GTF2H1: variants seen among roughly 807,000 people sequenced by gnomAD.
The protein encoded by GTF2H1 is BTF2 p62.
Under a neutral mutation model 71.2 loss-of-function variants are expected in GTF2H1, and 16 were observed. The observed-to-expected ratio is 0.22, with a 90% CI of 0.15 to 0.34. The LOEUF (loss-of-function observed/expected upper bound fraction) is 0.34, where lower values mean the gene tolerates loss of function less well. Ranked by LOEUF, GTF2H1 falls within the 10% of genes least tolerant of loss-of-function variation. GTF2H1 has a pLI of 1.00. For missense variants in GTF2H1, 498 were observed against 648.2 expected (o/e 0.77, Z 2.52); for synonymous variants, 215 against 219.0 (o/e 0.98, Z 0.16).
chr11:18,332,874 T>C, intron 1 of GTF2H1, 186 bp from the exon 2 acceptor site: 1 of 455,422 alleles, frequency 2.2e-6, no homozygotes, highest in South Asian at 3.9e-5. Context: ...AAATGAAATT[T>C]AATTGTAGAG....
chr11:18,337,316 C>A (rs74708289), intron 3 of GTF2H1, among the ~76,000 whole-genome samples: 6,223 of 152,054 alleles, frequency 0.041, 298 homozygotes, highest in East Asian at 0.26. Context: ...TGTAGTGGCG[C>A]ATACCTGTAA....
rs1325141898 is a variant in GTF2H1 at position 18,365,993 on chromosome 11, G to A, written c.*124G>A. 2 of 665,768 alleles carry A rather than the reference G, an allele frequency of 3.0e-6. No individual in the cohort carries two copies. The highest frequency in any genetic ancestry group is 1.7e-5 in the South Asian group (1 of 57,810). 41.2% of individuals were successfully genotyped at this position (665,768 alleles called of 1,614,324 possible). On this transcript the variant is annotated 3_prime_UTR_variant, in exon 15 of 15. Transcript: ENST00000265963. Reference sequence around the variant, plus strand: ...GAGTGATAAGAAACATCTGCTCCACGCCAACTCCCAGAGCTGATGCTATTG... The same window carrying A: ...GAGTGATAAGAAACATCTGCTCCACACCAACTCCCAGAGCTGATGCTATTG...
At position 18,333,055 on chromosome 11, in the gene GTF2H1, CT is replaced by C; in HGVS notation, c.-15-3del. On this transcript the variant is annotated splice_region_variant and splice_polypyrimidine_tract_variant and intron_variant, in intron 1 of 14. Transcript: ENST00000265963. The stretch of plus-strand genomic sequence containing the variant: ...TTTTTTCTTCATCTTTTTTTTCTCT[CT>C]TAGCACCTTCTAGCCACCATGGCAA... The C allele has an allele frequency of 6.3e-7, 1 of 1,594,648 alleles. No homozygotes were observed. The highest frequency in any genetic ancestry group is 1.1e-5 in the South Asian group (1 of 87,992).
intron 1 of GTF2H1, among the ~76,000 whole-genome samples, chr11:18,323,804 G>A (rs1401074546): frequency 7.2e-6 from 1 of 139,400 alleles, no homozygotes; most frequent in African/African-American, 3.3e-5. Context: ...TTGGAACACA[G>A]TTTGAAAACC....
In GTF2H1 at chr11:18,338,166, A is replaced by G. The variant is rs778441129; in HGVS notation, c.405A>G (p.Gln135=). The change falls in exon 4 of 15, where the codon CAA becomes CAG. Residue 135 remains glutamine, a synonymous_variant. Transcript: ENST00000265963. The part of the protein sequence containing the change: ...FQLYKDLVVS[Q]VISAEEFWAN... Reference sequence around the variant, plus strand: ...TTTATAAAGACCTTGTTGTGAGTCAAGTGATCAGTGCTGAGGAATTCTGGG... The same window carrying G: ...TTTATAAAGACCTTGTTGTGAGTCAGGTGATCAGTGCTGAGGAATTCTGGG... 9.3e-6 allele frequency: 15 copies of G among 1,609,380 alleles called. No homozygotes were observed. Among genetic ancestry groups the G allele is most frequent in the African/African-American group, 1.3e-5 (1 of 74,820 alleles).
At chr11:18,330,109 C>T (rs989237569) in intron 1 of GTF2H1, among the ~76,000 whole-genome samples, 4 of 152,160 alleles carry the variant, frequency 2.6e-5, no homozygotes, top group Non-Finnish European at 5.9e-5. Flanking sequence ...AACAGAATGC[C>T]TAAGACCTAT....
intron 7 of GTF2H1, among the ~76,000 whole-genome samples, chr11:18,342,990 C>T (rs546250238): frequency 2.6e-5 from 4 of 152,144 alleles, no homozygotes; most frequent in African/African-American, 7.2e-5. Context: ...GGCCTGAGCT[C>T]GGCTCACTGC....
chr11:18,360,783 G>A (rs1013189726), intron 14 of GTF2H1, 76 bp downstream of exon 14: 12 of 730,734 alleles, frequency 1.6e-5, no homozygotes, highest in Non-Finnish European at 2.8e-5. Context: ...TTGCTTTCAT[G>A]TAAATGAGTA....
Position 18,335,818 on chromosome 11 carries a change from C to T in GTF2H1, c.219C>T (p.Asp73=), listed in dbSNP as rs766475976. ...IQLQLVLHAG[D]TTNFHFSNES... is the part of the protein sequence containing the mutation. ...TTCAGCTGGTCCTACATGCAGGGGA[C>T]ACAACTAACTTCCATTTTTCCAATG... Residue 73 remains aspartate, a synonymous_variant, in exon 3 of 15, where the codon GAC becomes GAT. Coordinates refer to ENST00000265963, the MANE Select transcript of GTF2H1 (RefSeq NM_005316.4). 1 of 1,613,828 alleles carries T rather than the reference C, an allele frequency of 6.2e-7. No individual in the cohort carries two copies. The highest frequency in any genetic ancestry group is 1.3e-5 in the African/African-American group (1 of 74,892).
chr11:18,349,040 G>A (rs1028797286), intron 9 of GTF2H1, among the ~76,000 whole-genome samples: 3 of 151,980 alleles, frequency 2.0e-5, no homozygotes, highest in Admixed American at 6.6e-5. Context: ...GATTACAGGC[G>A]TGCACCACCA....
At chr11:18,328,595 C>T (rs895512154) in intron 1 of GTF2H1, among the ~76,000 whole-genome samples, 3 of 151,528 alleles carry the variant, frequency 2.0e-5, no homozygotes, top group African/African-American at 7.3e-5. Context: ...GAGGCTGAGG[C>T]GGGCGGATCA....
intron 9 of GTF2H1, 86 bp downstream of exon 9, chr11:18,348,005 C>T: frequency 1.2e-6 from 1 of 858,068 alleles, no homozygotes. Flanking sequence ...CGCTTATTTC[C>T]TGTGACTCAG....
In GTF2H1 at chr11:18,366,863, ATCATTGC is replaced by A; in HGVS notation, c.*995_*1001del. Reference sequence around the variant, plus strand: ...TGTTACTGTCCTTGGCGAATCGATAATCATTGCATAGTGACTGAAAAGCCTAAGTGCA... The same window carrying A: ...TGTTACTGTCCTTGGCGAATCGATAAATAGTGACTGAAAAGCCTAAGTGCA... On this transcript the variant is annotated 3_prime_UTR_variant, in exon 15 of 15. Coordinates refer to ENST00000265963, the MANE Select transcript of GTF2H1 (RefSeq NM_005316.4). 6.6e-6 allele frequency: 1 copy of A among 150,936 alleles called. No individual in the cohort carries two copies. The allele number at this position is 150,936 out of a possible 1,614,324, so 9.3% of individuals were successfully genotyped here.
chr11:18,330,570 TTG>T (rs1443916444), intron 1 of GTF2H1, among the ~76,000 whole-genome samples: 29 of 152,310 alleles, frequency 1.9e-4, no homozygotes, highest in Non-Finnish European at 3.5e-4. Context: ...CACAGGAAGA[TTG>T]TGAATTATTT....
chr11:18,332,820 T>C (rs1164921260), intron 1 of GTF2H1: 2 of 302,202 alleles, frequency 6.6e-6, no homozygotes, highest in Non-Finnish European at 6.1e-6. Flanking sequence ...ATAATACTCA[T>C]TAGCATATAA....
intron 2 of GTF2H1, among the ~76,000 whole-genome samples, chr11:18,334,312 G>A (rs770009246): frequency 1.3e-5 from 2 of 152,118 alleles, no homozygotes; most frequent in Non-Finnish European, 2.9e-5. Flanking sequence ...CTCAAGAGGC[G>A]GAGCTTGCAG....
At chr11:18,348,626 C>G (rs1455148730) in intron 9 of GTF2H1, 1 of 152,116 alleles carries the variant, frequency 6.6e-6, no homozygotes. Flanking sequence ...AGCAAGGATT[C>G]TGTTATCTGT....
chr11:18,324,987 C>T (rs1413725550), intron 1 of GTF2H1, among the ~76,000 whole-genome samples: 1 of 152,220 alleles, frequency 6.6e-6, no homozygotes, highest in Non-Finnish European at 1.5e-5. Flanking sequence ...ACATTTTGGT[C>T]ACTCTTTACA....
intron 7 of GTF2H1, among the ~76,000 whole-genome samples, chr11:18,344,505 G>T (rs1406438749): frequency 1.3e-5 from 2 of 151,330 alleles, no homozygotes; most frequent in African/African-American, 4.8e-5. Flanking sequence ...TGTAATTCCA[G>T]CTACCCAGGA....
Sources: allele counts gnomAD v4.1 joint callset (sites outside exome capture counted in the v4.1 genomes callset), GRCh38; gene constraint gnomAD v4.1.1; transcripts MANE v1.5; gene names NCBI Gene and HGNC (gene_info 2026-07-23, HGNC 2026-07-21).